Variants in MAST4 observed in about 807,000 individuals in gnomAD.
MAST4 encodes microtubule-associated serine/threonine-protein kinase 4.
MAST4 carries 89 observed loss-of-function variants against 162.7 expected under a neutral mutation model. That is an observed-to-expected ratio of 0.55 (90% CI 0.46 to 0.65). The LOEUF (loss-of-function observed/expected upper bound fraction) is 0.65, where lower values mean the gene tolerates loss of function less well. Ranked by LOEUF, MAST4 falls within the 30% of genes least tolerant of loss-of-function variation. MAST4 has a pLI of 0.00. For synonymous variants in MAST4, 1,479 were observed against 1,361.1 expected, an observed-to-expected ratio of 1.09 and a Z score of -1.91; for missense variants, 3,153 against 3,374.0, an observed-to-expected ratio of 0.93 and a Z score of 1.62.
chr5:67,166,363 A>G lies in MAST4; in HGVS notation c.7184A>G (p.His2395Arg), dbSNP rs746253949. The change falls in exon 29 of 29, where the codon CAT becomes CGT. Residue 2395 changes from histidine to arginine, a missense_variant. Physicochemically the swap from His to Arg is conservative, Grantham distance 29. This residue lies in a region of MAST4 where 1,644 missense variants were observed against 1,495.0 expected (regional missense o/e 1.10). Transcript: ENST00000403625. ...DKLEAGLSFV[H>R]SENRLKGAER... ...CTCGAGGCCGGCCTTTCCTTTGTGCATAGCGAGAACCGGTTGAAAGGCGCG... is the reference window on the plus strand; with the variant it reads ...CTCGAGGCCGGCCTTTCCTTTGTGCGTAGCGAGAACCGGTTGAAAGGCGCG... 9.9e-6 allele frequency: 16 copies of G among 1,611,138 alleles called. No homozygotes were observed. In the African/African-American group the frequency reaches 1.2e-4, roughly 12 times the overall value.
At chr5:66,970,618 C>T (rs948763890) in intron 4 of MAST4, among the ~76,000 whole-genome samples, 4 of 152,158 alleles carry the variant, frequency 2.6e-5, no homozygotes, top group Admixed American at 2.6e-4. Context: ...TATCTATGCA[C>T]TCACCTTTTC....
At chr5:66,628,203 T>C (rs1383972732) in intron 1 of MAST4, among the ~76,000 whole-genome samples, 1 of 152,036 alleles carries the variant, frequency 6.6e-6, no homozygotes. Flanking sequence ...GGCTAAATAT[T>C]GTTTATTTTT....
intron 1 of MAST4, among the ~76,000 whole-genome samples, chr5:66,646,633 C>A (rs1212333735): frequency 2.0e-5 from 3 of 152,168 alleles, no homozygotes; most frequent in Non-Finnish European, 1.5e-5. Context: ...TGTTTTAACA[C>A]CATGTATAAG....
chr5:67,147,580 A>AG (rs1771254551), intron 23 of MAST4, among the ~76,000 whole-genome samples: 1 of 152,234 alleles, frequency 6.6e-6, no homozygotes, highest in South Asian at 2.1e-4. Flanking sequence ...TCTTAGATGT[A>AG]GGGGTCAAAC....
chr5:66,968,300 C>T (rs1746999297), intron 4 of MAST4, among the ~76,000 whole-genome samples: 1 of 152,182 alleles, frequency 6.6e-6, no homozygotes, highest in Admixed American at 6.5e-5. Context: ...TTTGCATCTC[C>T]CTTTGGTTTC....
At chr5:66,928,618 C>T (rs914863620) in intron 4 of MAST4, among the ~76,000 whole-genome samples, 3 of 151,084 alleles carry the variant, frequency 2.0e-5, no homozygotes, top group African/African-American at 7.4e-5. Context: ...AGAAACCTCC[C>T]AGCTGTTTAT....
intron 1 of MAST4, among the ~76,000 whole-genome samples, chr5:66,605,004 G>A (rs1413998384): frequency 6.6e-6 from 1 of 152,202 alleles, no homozygotes; most frequent in Non-Finnish European, 1.5e-5. Context: ...TATTGAAATG[G>A]AATGAAGTTG....
At chr5:66,979,032 A>AC (rs1748471011) in intron 4 of MAST4, among the ~76,000 whole-genome samples, 1 of 152,182 alleles carries the variant, frequency 6.6e-6, no homozygotes, top group Non-Finnish European at 1.5e-5. Flanking sequence ...AGAAGAGTTG[A>AC]CAGGACCTGC....
chr5:66,745,557 G>T (rs1460537053), intron 1 of MAST4, among the ~76,000 whole-genome samples: 1 of 152,190 alleles, frequency 6.6e-6, no homozygotes, highest in Non-Finnish European at 1.5e-5. Flanking sequence ...TGGCTTCTGG[G>T]TACCTGAGAG....
chr5:66,799,758 A>G (rs1755825239), intron 3 of MAST4, among the ~76,000 whole-genome samples: 1 of 152,200 alleles, frequency 6.6e-6, no homozygotes, highest in African/African-American at 2.4e-5. Flanking sequence ...TTTAATTGTT[A>G]TAGGCAGTTT....
chr5:67,068,310 TCA>T (rs1760488823), intron 5 of MAST4, among the ~76,000 whole-genome samples: 1 of 152,174 alleles, frequency 6.6e-6, no homozygotes, highest in African/African-American at 2.4e-5. Flanking sequence ...TTTAATTGAC[TCA>T]CAGTTCTGCA....
At chr5:66,997,366 CT>C (rs1561515168) in intron 4 of MAST4, among the ~76,000 whole-genome samples, 1 of 150,898 alleles carries the variant, frequency 6.6e-6, no homozygotes, top group African/African-American at 2.4e-5. Context: ...TGAGTATTAT[CT>C]TTTTTTAATC....
At chr5:66,920,805 C>T (rs1764484710) in intron 4 of MAST4, among the ~76,000 whole-genome samples, 1 of 152,106 alleles carries the variant, frequency 6.6e-6, no homozygotes, top group South Asian at 2.1e-4. Flanking sequence ...TTATATTTAA[C>T]CCTTGAATTT....
At chr5:66,623,618 A>G (rs1167844840) in intron 1 of MAST4, among the ~76,000 whole-genome samples, 4 of 152,252 alleles carry the variant, frequency 2.6e-5, no homozygotes, top group African/African-American at 9.6e-5. Flanking sequence ...TAGGCATAAG[A>G]GGAACTTAGT....
At chr5:66,884,249 A>C (rs914641613) in intron 3 of MAST4, among the ~76,000 whole-genome samples, 1 of 152,212 alleles carries the variant, frequency 6.6e-6, no homozygotes, top group East Asian at 1.9e-4. Context: ...ATGATTGTAA[A>C]AAGTCTTGGG....
intron 4 of MAST4, among the ~76,000 whole-genome samples, chr5:66,936,764 C>T (rs37548): frequency 1.3e-5 from 2 of 152,150 alleles, no homozygotes; most frequent in African/African-American, 4.8e-5. Context: ...TTTGTAAATG[C>T]ACCTTAAACA....
intron 8 of MAST4, 121 bp from the exon 9 acceptor site, chr5:67,102,415 G>A (rs1323241927): frequency 3.5e-6 from 3 of 859,884 alleles, no homozygotes; most frequent in Non-Finnish European, 6.0e-6. Context: ...TTTATTATCT[G>A]ATATACTTTT....
At chr5:66,921,291 C>G (rs1038728058) in intron 4 of MAST4, among the ~76,000 whole-genome samples, 1 of 152,130 alleles carries the variant, frequency 6.6e-6, no homozygotes, top group African/African-American at 2.4e-5. Flanking sequence ...AAAAATATTT[C>G]AGGCCTCATG....
chr5:66,788,726 A>G lies in MAST4; in HGVS notation c.574A>G (p.Thr192Ala), dbSNP rs747949100. The change falls in exon 3 of 29, where the codon ACG (threonine) becomes GCG (alanine). Residue 192 changes from threonine (T) to alanine (A), a missense_variant. Physicochemically the swap from Thr to Ala is moderately conservative, Grantham distance 58 (BLOSUM62 0). This residue lies in a region of MAST4 where 327 missense variants were observed against 336.5 expected (regional missense o/e 0.97). Coordinates refer to ENST00000403625, the MANE Select transcript of MAST4 (RefSeq NM_001164664.2). ...ACAGGCCTGGCCGGCCTCTGCAGAG[A>G]CGTCCAACCTCGTGCGCATGCGCAG... ...AGQAWPASAE[T>A]SNLVRMRSQA... 6.2e-7 allele frequency: 1 copy of G among 1,613,480 alleles called. No homozygotes were observed. The highest frequency in any genetic ancestry group is 1.1e-5 in the South Asian group (1 of 91,062).
Sources: gnomAD v4.1 joint callset for allele counts (sites outside exome capture counted in the v4.1 genomes callset) on GRCh38, gnomAD v4.1.1 for gene constraint, gnomAD v4.1.1 regional missense constraint, MANE v1.5 for transcripts, NCBI Gene and HGNC (gene_info 2026-07-23, HGNC 2026-07-21) for gene names.